Variants in KYAT3 observed in about 807,000 individuals in gnomAD.
KYAT3 encodes kynurenine aminotransferase 3.
Under a neutral mutation model 59.0 loss-of-function variants are expected in KYAT3, and 50 were observed. That is an observed-to-expected ratio of 0.85 (90% CI 0.68 to 1.07). The LOEUF is 1.07. Among genes scored for constraint, KYAT3 ranks in the 50% least tolerant of loss-of-function variants. KYAT3 has a pLI of 0.00. For synonymous variants in KYAT3, 148 were observed against 177.0 expected (o/e 0.84, Z 1.30); for missense variants, 497 against 533.3 (o/e 0.93, Z 0.67).
At chr1:88,955,347 A>G (rs1675867068) in intron 8 of KYAT3, 122 bp from the exon 9 acceptor site, 3 of 610,402 alleles carry the variant, frequency 4.9e-6, no homozygotes, top group Middle Eastern at 2.9e-4. Flanking sequence ...TTTAGCCAGT[A>G]TAGTTATTTC....
chr1:88,972,696 T>C (rs1676599010), intron 2 of KYAT3, among the ~76,000 whole-genome samples: 1 of 152,220 alleles, frequency 6.6e-6, no homozygotes, highest in Non-Finnish European at 1.5e-5. Flanking sequence ...CACTGCCTGT[T>C]TCATGGCAGA....
At chr1:88,968,373 A>G (rs1164274020) in intron 4 of KYAT3, among the ~76,000 whole-genome samples, 1 of 152,196 alleles carries the variant, frequency 6.6e-6, no homozygotes, top group Non-Finnish European at 1.5e-5. Context: ...TGTTGATGAG[A>G]TAGAAAAGAC....
chr1:88,947,469 T>A (rs971962793), intron 11 of KYAT3, among the ~76,000 whole-genome samples: 3 of 152,132 alleles, frequency 2.0e-5, no homozygotes, highest in Admixed American at 1.3e-4. Context: ...AGTGGCTATC[T>A]CTGTGGAAAT....
chr1:88,981,275 C>G (rs1677073697), intron 2 of KYAT3: 1 of 152,206 alleles, frequency 6.6e-6, no homozygotes, highest in African/African-American at 2.4e-5. Context: ...GTTTCACTTA[C>G]TGACAAGACA....
intron 2 of KYAT3, chr1:88,983,312 C>T (rs759043706): frequency 6.2e-6 from 10 of 1,613,940 alleles, no homozygotes; most frequent in Non-Finnish European, 8.5e-6. Context: ...ACTGCTGCTG[C>T]GAACTAGTCC....
chr1:88,975,338 A>G (rs947214621), intron 2 of KYAT3, among the ~76,000 whole-genome samples: 2 of 152,142 alleles, frequency 1.3e-5, no homozygotes, highest in African/African-American at 4.8e-5. Context: ...TTTTTAGGAG[A>G]GACTGGGTTT....
At chr1:88,984,900 T>C (rs1411611443) in intron 2 of KYAT3, among the ~76,000 whole-genome samples, 2 of 152,282 alleles carry the variant, frequency 1.3e-5, no homozygotes, top group African/African-American at 4.8e-5. Flanking sequence ...TATGAATTTG[T>C]GCTTTTTGAC....
At chr1:88,931,406 C>A (rs1557675155), downstream of KYAT3, among the ~76,000 whole-genome samples, 2 of 152,188 alleles carry the variant, frequency 1.3e-5, no homozygotes, top group South Asian at 2.1e-4. Flanking sequence ...GACCCCTGGA[C>A]CGGCCTGCTA....
At chr1:88,923,727 G>A in the KYAT3 span, 1 of 274,832 alleles carries the variant, frequency 3.6e-6, no homozygotes, top group Non-Finnish European at 7.0e-6. Context: ...CTAGCCTCTG[G>A]GAATCCATTC....
At chr1:88,982,690 G>C (rs866486972) in intron 2 of KYAT3, 7 of 1,613,436 alleles carry the variant, frequency 4.3e-6, no homozygotes, top group Non-Finnish European at 5.9e-6. Context: ...TATCAGATCG[G>C]CTTCCTCCAG....
intron 11 of KYAT3, among the ~76,000 whole-genome samples, chr1:88,944,494 C>T (rs1675363115): frequency 6.6e-6 from 1 of 152,170 alleles, no homozygotes; most frequent in South Asian, 2.1e-4. Flanking sequence ...TTATTGAACA[C>T]TTCTTATTGG....
Position 88,969,414 on chromosome 1 carries a change from AT to A in KYAT3, c.152del (p.Asn51MetfsTer16). On this transcript the variant is annotated frameshift_variant, in exon 3 of 14. Coordinates refer to ENST00000260508, the MANE Select transcript of KYAT3 (RefSeq NM_001008661.3). LOFTEE classifies it high-confidence loss of function. ...ATTTATTTTAAGATACTCACCACAC[AT>A]TACTATCAAGTCCTTCAATCCGTTT... Reference protein sequence around the residue: ...NAKRIEGLDSNVWIEFTKLAA... With the variant: ...NAKRIEGLDSXVWIEFTKLAA... 6.5e-7 allele frequency: 1 copy of A among 1,550,138 alleles called. No individual in the cohort carries two copies. Among genetic ancestry groups the A allele is most frequent in the South Asian group, 1.1e-5 (1 of 88,538 alleles).
chr1:88,948,955 T>C (rs906647121), intron 11 of KYAT3, 136 bp downstream of exon 11: 1 of 621,292 alleles, frequency 1.6e-6, no homozygotes, highest in Admixed American at 3.9e-5. Flanking sequence ...ATAGAAAATG[T>C]AGACATTGCA....
chr1:88,972,944 A>G (rs773737893), intron 2 of KYAT3, among the ~76,000 whole-genome samples: 5 of 152,186 alleles, frequency 3.3e-5, no homozygotes, highest in Admixed American at 6.5e-5. Flanking sequence ...TCATATGTTG[A>G]AGTCCTAACT....
At chr1:88,961,938 G>T in intron 6 of KYAT3, 121 bp downstream of exon 6, 1 of 709,600 alleles carries the variant, frequency 1.4e-6, no homozygotes, top group Non-Finnish European at 2.5e-6. Context: ...GACAAATAGA[G>T]ATATACAGGA....
intron 13 of KYAT3, among the ~76,000 whole-genome samples, chr1:88,937,346 C>G (rs1675079414): frequency 6.6e-6 from 1 of 152,104 alleles, no homozygotes; most frequent in Admixed American, 6.5e-5. Context: ...GGTATTCTCT[C>G]AGGGACTGGG....
At chr1:88,980,710 ACT>A (rs1406297663) in intron 2 of KYAT3, 1 of 151,894 alleles carries the variant, frequency 6.6e-6, no homozygotes, top group Non-Finnish European at 1.5e-5. Context: ...TTTGGTACAA[ACT>A]CTATATCCTA....
chr1:88,936,582 A>C lies in KYAT3; in HGVS notation c.1303-337T>G, dbSNP rs187215498. Among the ~76,000 whole-genome samples, 272 of 152,326 alleles carry C rather than the reference A, an allele frequency of 1.8e-3. 1 individual carries two copies. Among genetic ancestry groups the C allele is most frequent in the Admixed American group, 3.5e-3 (53 of 15,300 alleles). On this transcript the variant is annotated intron_variant, in intron 13 of 13. Transcript: ENST00000260508. ...GGATTTAGTTCTAATGGCTACCACC[A>C]AAATCTAATAATGTGCTTATGCTTC...
intron 2 of KYAT3, among the ~76,000 whole-genome samples, chr1:88,985,685 C>T (rs2101092170): frequency 6.6e-6 from 1 of 152,308 alleles, no homozygotes; most frequent in Middle Eastern, 3.4e-3. Flanking sequence ...CATGTAAGTG[C>T]TATGGCAATT....
Sources: allele counts gnomAD v4.1 joint callset (sites outside exome capture counted in the v4.1 genomes callset), GRCh38; gene constraint gnomAD v4.1.1; transcripts MANE v1.5; gene names NCBI Gene and HGNC (gene_info 2026-07-23, HGNC 2026-07-21).